The following BICD1 variants were observed in gnomAD, a reference collection of about 807,000 sequenced individuals.
BICD1 encodes the protein protein bicaudal D homolog 1.
In BICD1, 35 loss-of-function variants were observed where a neutral mutation model predicts 92.5. The observed-to-expected ratio is 0.38, with a 90% CI of 0.29 to 0.50. BICD1 has a LOEUF of 0.50. Ranked by LOEUF, BICD1 falls within the 20% of genes least tolerant of loss-of-function variation. The pLI is 0.93. For missense variants in BICD1, 950 were observed against 1,189.8 expected (o/e 0.80, Z 2.97); for synonymous variants, 429 against 465.1 (o/e 0.92, Z 1.00).
Position 32,219,116 on chromosome 12 carries a change from G to A in BICD1, c.426+2657G>A, listed in dbSNP as rs11051857. 3.4e-4 allele frequency among the ~76,000 whole-genome samples: 52 copies of A among 152,242 alleles called. No homozygotes were observed. In the East Asian group the frequency reaches 0.01, roughly 29 times the overall value. On this transcript the variant is annotated intron_variant, in intron 2 of 9. Transcript: ENST00000652176. Reference sequence around the variant, plus strand: ...ACAGTTATGACATGATGGACCATGAGAAATATACAAGGATAACCAACCCAA... The same window carrying A: ...ACAGTTATGACATGATGGACCATGAAAAATATACAAGGATAACCAACCCAA...
chr12:32,355,596 G>A (rs1939063720), intron 8 of BICD1, among the ~76,000 whole-genome samples: 1 of 152,136 alleles, frequency 6.6e-6, no homozygotes, highest in Non-Finnish European at 1.5e-5. Flanking sequence ...GAGGTCAGGA[G>A]TATGAGACTA....
At chr12:32,109,289 G>A (rs978974776) in intron 1 of BICD1, 6 of 152,164 alleles carry the variant, frequency 3.9e-5, no homozygotes, top group Non-Finnish European at 5.9e-5. Context: ...TTTTATGAAA[G>A]AATCAGTTTG....
intron 1 of BICD1, among the ~76,000 whole-genome samples, chr12:32,189,587 TA>T (rs1335389543): frequency 6.6e-6 from 1 of 152,066 alleles, no homozygotes; most frequent in Non-Finnish European, 1.5e-5. Context: ...ACAAAAGTAT[TA>T]AAAATCACTA....
intron 1 of BICD1, among the ~76,000 whole-genome samples, chr12:32,142,419 A>C (rs1270064016): frequency 1.3e-4 from 6 of 46,912 alleles, no homozygotes; most frequent in African/African-American, 4.1e-4. Context: ...AAAAAAAAAA[A>C]AAAAAAAAAA....
intron 4 of BICD1, among the ~76,000 whole-genome samples, chr12:32,326,928 G>T (rs1948790879): frequency 6.6e-6 from 1 of 152,136 alleles, no homozygotes; most frequent in African/African-American, 2.4e-5. Context: ...TTATTTTGGG[G>T]ACTAAATGCT....
chr12:32,282,824 T>C (rs1402326001), intron 2 of BICD1, among the ~76,000 whole-genome samples: 1 of 152,138 alleles, frequency 6.6e-6, no homozygotes, highest in Non-Finnish European at 1.5e-5. Context: ...AAGAGGAAGA[T>C]ACAGAGGTGG....
At chr12:32,196,818 T>C (rs1158515839) in intron 1 of BICD1, among the ~76,000 whole-genome samples, 3 of 152,158 alleles carry the variant, frequency 2.0e-5, no homozygotes, top group Non-Finnish European at 2.9e-5. Flanking sequence ...GTGATGGATA[T>C]GTTAGTTAAT....
intron 2 of BICD1, among the ~76,000 whole-genome samples, chr12:32,224,373 G>A (rs1191116244): frequency 6.6e-6 from 1 of 152,204 alleles, no homozygotes; most frequent in Non-Finnish European, 1.5e-5. Flanking sequence ...CATATGCCAG[G>A]TATGAAGCTT....
intron 3 of BICD1, among the ~76,000 whole-genome samples, chr12:32,299,767 G>A (rs553132342): frequency 2.0e-5 from 3 of 152,306 alleles, no homozygotes; most frequent in African/African-American, 7.2e-5. Context: ...AGCCATGATT[G>A]TGCCACTGGA....
intron 1 of BICD1, among the ~76,000 whole-genome samples, chr12:32,114,379 C>T (rs1941812897): frequency 6.6e-6 from 1 of 151,964 alleles, no homozygotes; most frequent in Non-Finnish European, 1.5e-5. Context: ...AGATCCTCAA[C>T]TTTCTTTTTT....
At chr12:32,219,209 T>A (rs1945443074) in intron 2 of BICD1, among the ~76,000 whole-genome samples, 1 of 152,186 alleles carries the variant, frequency 6.6e-6, no homozygotes, top group South Asian at 2.1e-4. Context: ...ATAATTTTTC[T>A]TTACTGAAAG....
intron 9 of BICD1, among the ~76,000 whole-genome samples, chr12:32,372,366 G>A (rs1204352989): frequency 2.0e-5 from 3 of 152,140 alleles, no homozygotes; most frequent in Non-Finnish European, 2.9e-5. Flanking sequence ...TGTAATCCCA[G>A]CTCCTCAGGA....
chr12:32,282,297 T>C (rs1023906548), intron 2 of BICD1, among the ~76,000 whole-genome samples: 1 of 140,082 alleles, frequency 7.1e-6, no homozygotes, highest in African/African-American at 2.7e-5. Context: ...CTCGGCCCAC[T>C]ATAGCCTCCA....
chr12:32,159,560 A>G (rs571220607), intron 1 of BICD1, among the ~76,000 whole-genome samples: 6 of 152,298 alleles, frequency 3.9e-5, no homozygotes, highest in Admixed American at 3.9e-4. Flanking sequence ...GTCTATTAAT[A>G]CAGCACCAAC....
intron 2 of BICD1, among the ~76,000 whole-genome samples, chr12:32,234,671 C>CTTTT (rs112868471): frequency 5.8e-5 from 7 of 120,720 alleles, no homozygotes; most frequent in Non-Finnish European, 1.2e-4. Context: ...TTTTTTCTTT[C>CTTTT]TTTTTTTTTT....
intron 2 of BICD1, among the ~76,000 whole-genome samples, chr12:32,237,573 CTT>C (rs1172495151): frequency 2.6e-5 from 4 of 152,116 alleles, no homozygotes; most frequent in African/African-American, 9.7e-5. Context: ...CAGCTTGTGA[CTT>C]TGAGTTGAAG....
chr12:32,282,368 A>T (rs9651804), intron 2 of BICD1, among the ~76,000 whole-genome samples: 8,352 of 151,766 alleles, frequency 0.055, 750 homozygotes, highest in African/African-American at 0.19. Flanking sequence ...CTATAGGCAC[A>T]TGCCACCACA....
intron 1 of BICD1, among the ~76,000 whole-genome samples, chr12:32,151,839 A>G (rs1408403922): frequency 6.6e-6 from 1 of 152,118 alleles, no homozygotes; most frequent in African/African-American, 2.4e-5. Context: ...CCCTACCCCC[A>G]GTTTCCCTTT....
intron 1 of BICD1, among the ~76,000 whole-genome samples, chr12:32,166,072 C>A (rs576503268): frequency 2.0e-5 from 3 of 152,036 alleles, no homozygotes; most frequent in African/African-American, 7.2e-5. Flanking sequence ...TGTTTTACTC[C>A]TTCTCCCTGG....
Sources: allele counts gnomAD v4.1 joint callset (sites outside exome capture counted in the v4.1 genomes callset), GRCh38; gene constraint gnomAD v4.1.1; transcripts MANE v1.5; gene names NCBI Gene and HGNC (gene_info 2026-07-23, HGNC 2026-07-21).